Variants in NRCAM observed in about 807,000 individuals in gnomAD.
NRCAM encodes the protein NgCAM-related cell adhesion molecule.
A neutral mutation model predicts 156.5 loss-of-function variants in NRCAM; 83 were observed. The ratio of observed to expected loss-of-function variants is 0.53; its 90% CI spans 0.44 to 0.64. The LOEUF is 0.64. Ranked by LOEUF, NRCAM falls within the 30% of genes least tolerant of loss-of-function variation. NRCAM has a pLI of 0.00. For synonymous variants in NRCAM, 538 were observed against 563.9 expected (o/e 0.95, Z 0.65); for missense variants, 1,417 against 1,597.3 (o/e 0.89, Z 1.92).
chr7:108,418,447 C>G (rs1356810009), intron 1 of NRCAM, among the ~76,000 whole-genome samples: 1 of 152,068 alleles, frequency 6.6e-6, no homozygotes, highest in South Asian at 2.1e-4. Flanking sequence ...ATGGGACAAA[C>G]GATGACATTC....
intron 24 of NRCAM, among the ~76,000 whole-genome samples, chr7:108,181,036 A>T (rs1333185993): frequency 6.6e-6 from 1 of 152,160 alleles, no homozygotes; most frequent in African/African-American, 2.4e-5. Context: ...TTTGTATTCG[A>T]TTGCAGGCAC....
At chr7:108,247,722 C>G (rs1407591689) in intron 3 of NRCAM, among the ~76,000 whole-genome samples, 1 of 151,570 alleles carries the variant, frequency 6.6e-6, no homozygotes, top group African/African-American at 2.4e-5. Context: ...ATGAGAGAGT[C>G]CAATATTGTT....
intron 3 of NRCAM, among the ~76,000 whole-genome samples, chr7:108,286,174 T>C (rs1470286379): frequency 1.3e-5 from 2 of 152,182 alleles, no homozygotes; most frequent in African/African-American, 4.8e-5. Context: ...TCATGAAATA[T>C]TATTCCTTTT....
At chr7:108,294,144 G>A (rs1236686636) in intron 3 of NRCAM, among the ~76,000 whole-genome samples, 1 of 144,922 alleles carries the variant, frequency 6.9e-6, no homozygotes, top group African/African-American at 2.6e-5. Context: ...TAGGGTTGAT[G>A]TGATTTTGGG....
At chr7:108,168,101 G>A (rs1253885969) in intron 29 of NRCAM, among the ~76,000 whole-genome samples, 176 bp downstream of exon 29, 1 of 152,060 alleles carries the variant, frequency 6.6e-6, no homozygotes, top group Non-Finnish European at 1.5e-5. Context: ...ATTCCTAGTC[G>A]TGCATATAAT....
intron 12 of NRCAM, among the ~76,000 whole-genome samples, chr7:108,209,125 C>G (rs971044498): frequency 6.6e-6 from 1 of 152,144 alleles, no homozygotes; most frequent in African/African-American, 2.4e-5. Flanking sequence ...TTTTAGCATT[C>G]ATTGTTTGAT....
intron 3 of NRCAM, among the ~76,000 whole-genome samples, chr7:108,279,638 C>G (rs953771434): frequency 7.4e-6 from 1 of 135,504 alleles, no homozygotes; most frequent in Non-Finnish European, 1.6e-5. Flanking sequence ...CCTGCCCTCC[C>G]CACCCACCCC....
rs566542116 is a variant in NRCAM at position 108,437,421 on chromosome 7, C to T, written c.-332+18822G>A. 2.8e-4 allele frequency among the ~76,000 whole-genome samples: 43 copies of T among 152,146 alleles called. 1 individual carries two copies. Among genetic ancestry groups the T allele is most frequent in the African/African-American group, 1.0e-3 (42 of 41,512 alleles). ...AATTTTACTGCATATCTTAAAATAA[C>T]TAAAAGAGTATAATTAGATAGTTTG... On this transcript the variant is annotated intron_variant, in intron 1 of 32. Transcript: ENST00000379028.
intron 2 of NRCAM, among the ~76,000 whole-genome samples, chr7:108,314,050 G>C (rs548621675): frequency 3.9e-5 from 6 of 152,084 alleles, no homozygotes; most frequent in Admixed American, 3.3e-4. Flanking sequence ...AGGGCAAAAC[G>C]CTCTAAAAAG....
chr7:108,420,422 T>A (rs903868645), intron 1 of NRCAM, among the ~76,000 whole-genome samples: 2 of 152,182 alleles, frequency 1.3e-5, no homozygotes, highest in Non-Finnish European at 2.9e-5. Context: ...CTTACCAATA[T>A]ATGAATTGCT....
At chr7:108,358,716 T>C (rs917994512) in intron 2 of NRCAM, among the ~76,000 whole-genome samples, 2 of 152,120 alleles carry the variant, frequency 1.3e-5, no homozygotes, top group Non-Finnish European at 2.9e-5. Flanking sequence ...TGTAAGTCAC[T>C]CCCTCCTGTC....
intron 3 of NRCAM, among the ~76,000 whole-genome samples, chr7:108,273,519 T>A (rs2097458191): frequency 6.6e-6 from 1 of 152,346 alleles, no homozygotes; most frequent in African/African-American, 2.4e-5. Context: ...CTTTTTTTCA[T>A]ATGTCTGTTG....
intron 1 of NRCAM, among the ~76,000 whole-genome samples, chr7:108,437,875 A>T (rs1162199269): frequency 1.3e-5 from 2 of 151,970 alleles, no homozygotes; most frequent in African/African-American, 2.4e-5. Context: ...ATTTTATTAG[A>T]ATTAAGTTAG....
At chr7:108,321,036 A>C (rs2098995251) in intron 2 of NRCAM, among the ~76,000 whole-genome samples, 1 of 152,234 alleles carries the variant, frequency 6.6e-6, no homozygotes. Flanking sequence ...TGAACAACAC[A>C]GTACAACTCT....
At chr7:108,268,257 A>G (rs1380360599) in intron 3 of NRCAM, among the ~76,000 whole-genome samples, 1 of 152,230 alleles carries the variant, frequency 6.6e-6, no homozygotes, top group Non-Finnish European at 1.5e-5. Flanking sequence ...ATAGATGCTA[A>G]CAGAAAGCTG....
chr7:108,405,438 C>T (rs1378521698), intron 1 of NRCAM, among the ~76,000 whole-genome samples: 1 of 152,164 alleles, frequency 6.6e-6, no homozygotes, highest in Admixed American at 6.5e-5. Flanking sequence ...CTTGCAAACA[C>T]CTCTTTGAAC....
At chr7:108,167,350 GTTCT>G (rs2055152779) in intron 29 of NRCAM, among the ~76,000 whole-genome samples, 1 of 152,114 alleles carries the variant, frequency 6.6e-6, no homozygotes, top group Non-Finnish European at 1.5e-5. Flanking sequence ...ACAAAGGAAG[GTTCT>G]TTATCTGCAC....
chr7:108,281,180 G>C (rs1009948106), intron 3 of NRCAM, among the ~76,000 whole-genome samples: 3 of 152,024 alleles, frequency 2.0e-5, no homozygotes, highest in African/African-American at 7.2e-5. Context: ...GATGAAATGA[G>C]CAAAATTCAA....
intron 2 of NRCAM, among the ~76,000 whole-genome samples, chr7:108,374,328 T>G (rs1259480450): frequency 6.6e-6 from 1 of 152,154 alleles, no homozygotes; most frequent in African/African-American, 2.4e-5. Flanking sequence ...AAATCTAGTG[T>G]GTACACTCAA....
Sources: gnomAD v4.1 joint callset for allele counts (sites outside exome capture counted in the v4.1 genomes callset) on GRCh38, gnomAD v4.1.1 for gene constraint, MANE v1.5 for transcripts, NCBI Gene and HGNC (gene_info 2026-07-23, HGNC 2026-07-21) for gene names.